CPN1: variants seen among roughly 807,000 people sequenced by gnomAD.
The protein encoded by CPN1 is carboxypeptidase N subunit 1.
In CPN1, 37 loss-of-function variants were observed where a neutral mutation model predicts 46.4. The observed-to-expected ratio is 0.80, with a 90% CI of 0.61 to 1.05. CPN1 has a LOEUF of 1.05. Ranked by LOEUF, CPN1 falls within the 50% of genes least tolerant of loss-of-function variation. The pLI, the probability that CPN1 is intolerant of heterozygous loss-of-function variation, is 0.00. For synonymous variants in CPN1, 224 were observed against 235.4 expected (o/e 0.95, Z 0.44); for missense variants, 563 against 602.6 (o/e 0.93, Z 0.69).
chr10:100,061,397 T>C (rs1051595941), intron 5 of CPN1, among the ~76,000 whole-genome samples: 2 of 152,202 alleles, frequency 1.3e-5, no homozygotes, highest in Non-Finnish European at 2.9e-5. Context: ...AATAAATAAG[T>C]AAATTGGTTC....
At chr10:100,071,892 C>T (rs992235308) in intron 2 of CPN1, among the ~76,000 whole-genome samples, 29 of 151,990 alleles carry the variant, frequency 1.9e-4, no homozygotes, top group Admixed American at 1.9e-3. Context: ...TGGTGGGGGG[C>T]CCTGGAATCA....
At chr10:100,075,359 C>G (rs996045361) in intron 2 of CPN1, among the ~76,000 whole-genome samples, 1 of 152,154 alleles carries the variant, frequency 6.6e-6, no homozygotes, top group Non-Finnish European at 1.5e-5. Context: ...AATATAGAAT[C>G]AATAGACTAA....
At position 100,081,688 on chromosome 10, in the gene CPN1, T is replaced by G. The variant is rs1010521425; in HGVS notation, c.-63A>C. 8 of 1,410,562 alleles carry G rather than the reference T, an allele frequency of 5.7e-6. No homozygotes were observed. The highest frequency in any genetic ancestry group is 7.9e-6 in the Non-Finnish European group (8 of 1,012,392). 87.4% of individuals were successfully genotyped at this position (1,410,562 alleles called of 1,614,324 possible). On this transcript the variant is annotated 5_prime_UTR_variant, in exon 1 of 9. Transcript: ENST00000370418. ...CCCCACCTCCTTAAACAACCTAGCC[T>G]CTTCACCCGCCAAAATCCAAGGTCC...
chr10:100,063,474 G>A, intron 5 of CPN1, 140 bp downstream of exon 5: 1 of 734,532 alleles, frequency 1.4e-6, no homozygotes, highest in South Asian at 1.5e-5. Flanking sequence ...GCCAACCTGA[G>A]ACTTCCTCAT....
intron 4 of CPN1, 75 bp downstream of exon 4, chr10:100,065,113 T>G: frequency 1.3e-6 from 2 of 1,530,380 alleles, no homozygotes; most frequent in Non-Finnish European, 1.8e-6. Flanking sequence ...CTGAAAAGGG[T>G]TCTGTGTTAC....
intron 5 of CPN1, among the ~76,000 whole-genome samples, chr10:100,062,097 C>G (rs2041422180): frequency 6.6e-6 from 1 of 152,196 alleles, no homozygotes; most frequent in South Asian, 2.1e-4. Flanking sequence ...CTCCACAGGA[C>G]CAGCCACCAA....
intron 8 of CPN1, among the ~76,000 whole-genome samples, chr10:100,045,399 A>G (rs1160969858): frequency 2.6e-5 from 4 of 152,178 alleles, no homozygotes; most frequent in East Asian, 1.9e-4. Context: ...ATAGGCTGCA[A>G]TGAAAGATTT....
chr10:100,058,532 A>G (rs979423667), intron 5 of CPN1, among the ~76,000 whole-genome samples: 3 of 152,172 alleles, frequency 2.0e-5, no homozygotes, highest in Non-Finnish European at 4.4e-5. Flanking sequence ...TATGTTTCTC[A>G]TTATTAGGAT....
At chr10:100,064,713 T>G (rs1235365611) in intron 4 of CPN1, among the ~76,000 whole-genome samples, 1 of 152,104 alleles carries the variant, frequency 6.6e-6, no homozygotes, top group Non-Finnish European at 1.5e-5. Flanking sequence ...TATGCCATTT[T>G]ATATATTAAT....
chr10:100,062,078 CTCTCT>C (rs1275246593), intron 5 of CPN1, among the ~76,000 whole-genome samples: 1 of 152,138 alleles, frequency 6.6e-6, no homozygotes, highest in Non-Finnish European at 1.5e-5. Flanking sequence ...AGTTTTGCAC[CTCTCT>C]ACTCTCCACA....
At chr10:100,077,769 G>T (rs2041523642) in intron 1 of CPN1, among the ~76,000 whole-genome samples, 1 of 151,682 alleles carries the variant, frequency 6.6e-6, no homozygotes, top group Non-Finnish European at 1.5e-5. Flanking sequence ...TACTTTTCTT[G>T]GTGTTAAAAT....
In CPN1 at chr10:100,081,687, C is replaced by A; in HGVS notation, c.-62G>T. On this transcript the variant is annotated 5_prime_UTR_variant, in exon 1 of 9. The change creates a new upstream start codon in the 5' untranslated region. Coordinates refer to ENST00000370418, the MANE Select transcript of CPN1 (RefSeq NM_001308.3). ...GCCCCACCTCCTTAAACAACCTAGC[C>A]TCTTCACCCGCCAAAATCCAAGGTC... 7.0e-7 allele frequency: 1 copy of A among 1,423,762 alleles called. No homozygotes were observed. The highest frequency in any genetic ancestry group is 9.8e-7 in the Non-Finnish European group (1 of 1,023,494). 88.2% of individuals were successfully genotyped at this position (1,423,762 alleles called of 1,614,324 possible).
Position 100,054,536 on chromosome 10 carries a change from T to C in CPN1, c.1012-90A>G, listed in dbSNP as rs2041374132. 14 of 1,054,410 alleles carry C rather than the reference T, an allele frequency of 1.3e-5. No individual in the cohort carries two copies. The East Asian group carries it at 3.1e-4, about 23-fold the overall frequency. The allele number at this position is 1,054,410 out of a possible 1,614,324, so 65.3% of individuals were successfully genotyped here. On this transcript the variant is annotated intron_variant, in intron 6 of 8. Transcript: ENST00000370418. ...TCTCAAAGCCCTTTCTCTTATGTTT[T>C]TGTATTTTATCTTCACAAAGATGAT...
chr10:100,061,414 T>C (rs2041416920), intron 5 of CPN1, among the ~76,000 whole-genome samples: 1 of 152,246 alleles, frequency 6.6e-6, no homozygotes. Context: ...GTTCTCTCCA[T>C]GCATTAGAAT....
intron 4 of CPN1, among the ~76,000 whole-genome samples, chr10:100,064,276 GA>G (rs967057628): frequency 6.6e-6 from 1 of 151,326 alleles, no homozygotes; most frequent in Non-Finnish European, 1.5e-5. Context: ...GATCAATGGA[GA>G]AAAAAACAAT....
At chr10:100,050,200 G>A (rs1333786601) in intron 7 of CPN1, among the ~76,000 whole-genome samples, 2 of 151,606 alleles carry the variant, frequency 1.3e-5, no homozygotes, top group African/African-American at 2.4e-5. Flanking sequence ...CTAAAAATAC[G>A]AAAATTAGCC....
chr10:100,062,930 C>A (rs2041429329), intron 5 of CPN1, among the ~76,000 whole-genome samples: 1 of 151,572 alleles, frequency 6.6e-6, no homozygotes, highest in African/African-American at 2.4e-5. Flanking sequence ...ATGAGGAAAC[C>A]AAAGCACAGA....
Position 100,065,218 on chromosome 10 carries a change from G to A in CPN1, c.729C>T (p.Thr243=), listed in dbSNP as rs770218340. ...GGAAGAGCTTGTCGTCAGGCGTGGGGGTGCTGGCGGTGCGGCGGACCCCTC... is the reference window on the plus strand; with the variant it reads ...GGAAGAGCTTGTCGTCAGGCGTGGGAGTGCTGGCGGTGCGGCGGACCCCTC... The part of the protein sequence containing the change: ...RVRGVRRTAS[T]PTPDDKLFQK... Residue 243 remains threonine, a synonymous_variant, in exon 4 of 9, where the codon ACC becomes ACT. Transcript: ENST00000370418. 6.2e-7 allele frequency: 1 copy of A among 1,614,008 alleles called. No individual in the cohort carries two copies. The highest frequency in any genetic ancestry group is 1.3e-5 in the African/African-American group (1 of 75,048).
At chr10:100,078,675 C>A (rs1443804613) in intron 1 of CPN1, among the ~76,000 whole-genome samples, 1 of 152,212 alleles carries the variant, frequency 6.6e-6, no homozygotes, top group East Asian at 1.9e-4. Context: ...CATAAAACTT[C>A]ATTTACCAAA....
Sources: gnomAD v4.1 joint callset for allele counts (sites outside exome capture counted in the v4.1 genomes callset) on GRCh38, gnomAD v4.1.1 for gene constraint, MANE v1.5 for transcripts, NCBI Gene and HGNC (gene_info 2026-07-23, HGNC 2026-07-21) for gene names.